The following GANAB variants were observed in gnomAD, a reference collection of about 807,000 sequenced individuals.
The protein encoded by GANAB is glucosidase II alpha subunit, also known as neutral alpha-glucosidase AB.
Under a neutral mutation model 129.9 loss-of-function variants are expected in GANAB, and 35 were observed. The ratio of observed to expected loss-of-function variants is 0.27; its 90% CI spans 0.21 to 0.36. GANAB has a LOEUF of 0.36. Among genes scored for constraint, GANAB ranks in the 10% least tolerant of loss-of-function variants. GANAB has a pLI of 1.00. For missense variants in GANAB, 939 were observed against 1,221.0 expected (o/e 0.77, Z 3.44); for synonymous variants, 482 against 451.8 (o/e 1.07, Z -0.85).
At chr11:62,633,411 C>G (rs754907923) in intron 6 of GANAB, 34 bp downstream of exon 6, 3 of 1,607,850 alleles carry the variant, frequency 1.9e-6, no homozygotes, top group South Asian at 2.2e-5. Context: ...CCCAGCCAGC[C>G]CTATCCTCCA....
In GANAB at chr11:62,632,729, G is replaced by A; in HGVS notation, c.832C>T (p.Arg278Cys). 4 of 1,613,430 alleles carry A rather than the reference G, an allele frequency of 2.5e-6. No homozygotes were observed. Among genetic ancestry groups the A allele is most frequent in the Non-Finnish European group, 3.4e-6 (4 of 1,179,590 alleles). The change falls in exon 9 of 24, where the codon CGC becomes TGC. Residue 278 changes from arginine to cysteine, a missense_variant. By Grantham distance (180) the Arg-to-Cys change is radical. Around this residue, in one of 5 missense-constraint regions of GANAB, gnomAD observed 21 missense variants for 53.7 expected, o/e 0.39. Transcript: ENST00000356638. Reference sequence around the variant, plus strand: ...TGGAACACATCCAAATTGTAGAGGCGATATGGCTCCCCACCCCTGCAGGCA... The same window carrying A: ...TGGAACACATCCAAATTGTAGAGGCAATATGGCTCCCCACCCCTGCAGGCA... The part of the protein sequence containing the change: ...LKVTEGGEPY[R>C]LYNLDVFQYE...
intron 1 of GANAB, among the ~76,000 whole-genome samples, chr11:62,644,027 C>T (rs190318563): frequency 2.0e-5 from 3 of 152,300 alleles, no homozygotes; most frequent in African/African-American, 7.2e-5. Flanking sequence ...TCACCGCAAC[C>T]TCTGCCTCGC....
chr11:62,646,348 G>A (rs1409689303), intron 1 of GANAB, among the ~76,000 whole-genome samples: 4 of 152,362 alleles, frequency 2.6e-5, no homozygotes, highest in African/African-American at 7.2e-5. Flanking sequence ...CTAAACCGCC[G>A]GGCGGGAGCC....
chr11:62,636,847 AAC>A (rs1432244978), intron 4 of GANAB, among the ~76,000 whole-genome samples: 1 of 152,130 alleles, frequency 6.6e-6, no homozygotes, highest in African/African-American at 2.4e-5. Flanking sequence ...GAATCGCTTC[AAC>A]ACAGGAGGCG....
intron 17 of GANAB, among the ~76,000 whole-genome samples, chr11:62,627,770 T>C (rs910708566): frequency 2.6e-5 from 4 of 151,288 alleles, no homozygotes; most frequent in African/African-American, 9.7e-5. Flanking sequence ...AGCACAGGGG[T>C]TAAGACCCAG....
intron 9 of GANAB, among the ~76,000 whole-genome samples, chr11:62,631,622 CCA>C (rs1943686121): frequency 6.6e-6 from 1 of 151,836 alleles, no homozygotes; most frequent in Admixed American, 6.6e-5. Context: ...ACCACCACAC[CCA>C]GCTAACTTTT....
chr11:62,638,926 G>C, intron 4 of GANAB, 57 bp downstream of exon 4: 1 of 1,583,282 alleles, frequency 6.3e-7, no homozygotes, highest in Non-Finnish European at 8.7e-7. Flanking sequence ...CCAAAAAAAG[G>C]TTCATCAGGA....
At position 62,626,154 on chromosome 11, in the gene GANAB, G is replaced by A. The variant is rs550777375; in HGVS notation, c.2636C>T (p.Pro879Leu). Residue 879 changes from proline to leucine, a missense_variant, in exon 23 of 24, where the codon CCT becomes CTT. Physicochemically the swap from Pro to Leu is moderately conservative, Grantham distance 98. Around this residue, in one of 5 missense-constraint regions of GANAB, gnomAD observed 230 missense variants for 259.9 expected, o/e 0.89. Coordinates refer to ENST00000356638, the MANE Select transcript of GANAB (RefSeq NM_198334.3). ...GNTLVSSSAD[P>L]EGHFETPIWI... ...GATTGGTGTCTCAAAGTGTCCTTCAGGGTCTGCTGAGCTGGAGATGGTAAA... is the reference window on the plus strand; with the variant it reads ...GATTGGTGTCTCAAAGTGTCCTTCAAGGTCTGCTGAGCTGGAGATGGTAAA... 3.1e-6 allele frequency: 5 copies of A among 1,612,102 alleles called. No individual in the cohort carries two copies. The highest frequency in any genetic ancestry group is 1.1e-5 in the South Asian group (1 of 91,042).
Position 62,630,269 on chromosome 11 carries a change from A to G in GANAB, c.1521T>C (p.Ala507=), listed in dbSNP as rs770792595. The G allele has an allele frequency of 5.0e-6, 8 of 1,613,526 alleles. No homozygotes were observed. Among genetic ancestry groups the G allele is most frequent in the Non-Finnish European group, 6.8e-6 (8 of 1,179,710 alleles). Residue 507 remains alanine, a synonymous_variant, in exon 13 of 24, where the codon GCT becomes GCC. Coordinates refer to ENST00000356638, the MANE Select transcript of GANAB (RefSeq NM_198334.3). The stretch of plus-strand genomic sequence containing the variant: ...TGGGATTAGTGAAGTCAGGGTAACC[A>G]GCTGAGCCTGGGAGAAGTTAAGGGT... ...DYEGWCWPGS[A]GYPDFTNPTM... is the part of the protein sequence containing the mutation.
In GANAB at chr11:62,626,210, G is replaced by A. The variant is rs376691473; in HGVS notation, c.2625-45C>T. 240 of 1,441,056 alleles carry A rather than the reference G, an allele frequency of 1.7e-4. 1 individual carries two copies. The highest frequency in any genetic ancestry group is 1.4e-4 in the Non-Finnish European group (147 of 1,022,288). 89.3% of individuals were successfully genotyped at this position (1,441,056 alleles called of 1,614,324 possible). A position where few individuals can be genotyped will look rare whatever the true frequency, so the allele number is the denominator to read the frequency against. On this transcript the variant is annotated intron_variant, in intron 22 of 23. Coordinates refer to ENST00000356638, the MANE Select transcript of GANAB (RefSeq NM_198334.3). Reference sequence around the variant, plus strand: ...ATGTCCATCAGGGGGAAAAATAACAGAACAGAAGGAAGGAGGAGACCCAAA... The same window carrying A: ...ATGTCCATCAGGGGGAAAAATAACAAAACAGAAGGAAGGAGGAGACCCAAA...
In GANAB at chr11:62,625,120, C is replaced by T. The variant is rs565872739; in HGVS notation, c.*695G>A. On this transcript the variant is annotated 3_prime_UTR_variant, in exon 24 of 24. Transcript: ENST00000356638. Reference sequence around the variant, plus strand: ...AGAAGGGGGCAAAAGAAGTTTAATGCGCATCCCCTAAGAGGTGTGGAAACG... The same window carrying T: ...AGAAGGGGGCAAAAGAAGTTTAATGTGCATCCCCTAAGAGGTGTGGAAACG... 41 of 421,004 alleles carry T rather than the reference C, an allele frequency of 9.7e-5. No homozygotes were observed. Among genetic ancestry groups the T allele is most frequent in the African/African-American group, 3.9e-4 (19 of 48,698 alleles). The allele number at this position is 421,004 out of a possible 1,614,324, so 26.1% of individuals were successfully genotyped here.
chr11:62,636,309 A>T (rs1344710095), intron 4 of GANAB, among the ~76,000 whole-genome samples: 2 of 152,024 alleles, frequency 1.3e-5, no homozygotes, highest in African/African-American at 4.8e-5. Flanking sequence ...ATTTAAAAGT[A>T]AAAGCTTTAG....
chr11:62,632,265 C>T (rs1001548701), intron 9 of GANAB, among the ~76,000 whole-genome samples: 2 of 152,152 alleles, frequency 1.3e-5, no homozygotes, highest in Non-Finnish European at 2.9e-5. Flanking sequence ...TGAGCCACCA[C>T]ACCCAGCCCA....
chr11:62,646,237 A>G (rs991178292), intron 1 of GANAB, among the ~76,000 whole-genome samples: 2 of 152,118 alleles, frequency 1.3e-5, no homozygotes. Flanking sequence ...GACCCCGCGC[A>G]CTGCAGGAAG....
At chr11:62,630,020 C>A in intron 13 of GANAB, 63 bp from the exon 14 acceptor site, 3 of 1,548,770 alleles carry the variant, frequency 1.9e-6, no homozygotes, top group South Asian at 1.1e-5. Context: ...CAAACAGTGT[C>A]AGAGAAGAGA....
rs913925138 is a variant in GANAB, at chr11:62,634,737, A to C, written c.560+84T>G. On this transcript the variant is annotated intron_variant, in intron 5 of 23. Transcript: ENST00000356638. ...CCAGGCCCTACCTGGCTGTCCCACC[A>C]CCGTCTCCTCCCCGTGCCAGACCTC... 8.7e-6 allele frequency: 10 copies of C among 1,153,502 alleles called. No individual in the cohort carries two copies. The East Asian group carries it at 1.9e-4, about 22-fold the overall frequency. 71.5% of individuals were successfully genotyped at this position (1,153,502 alleles called of 1,614,324 possible).
At position 62,625,736 on chromosome 11, in the gene GANAB, G is replaced by A. The variant is rs976850831; in HGVS notation, c.*79C>T. 2.7e-5 allele frequency: 25 copies of A among 932,116 alleles called. No individual in the cohort carries two copies. Among genetic ancestry groups the A allele is most frequent in the Admixed American group, 2.3e-4 (12 of 52,314 alleles). 57.7% of individuals were successfully genotyped at this position (932,116 alleles called of 1,614,324 possible). ...GCATAAGTGAAGTCTGGGGAGGGCC[G>A]AACTCCAAGGCAGAAGAAAGAATAT... On this transcript the variant is annotated 3_prime_UTR_variant, in exon 24 of 24. Coordinates refer to ENST00000356638, the MANE Select transcript of GANAB (RefSeq NM_198334.3).
In GANAB at chr11:62,639,728, A is replaced by G. The variant is rs1373220171; in HGVS notation, c.42T>C (p.Ser14=). Residue 14 remains serine, a synonymous_variant, in exon 2 of 24, where the codon TCT becomes TCC. Transcript: ENST00000356638. ...AAAAAGCCAGTACCAAAGACGCCCA[A>G]GACCTAAGGAGAAAAGGACAAAGAC... ...VAAVAARRRR[S]WASLVLAFLG... is the part of the protein sequence containing the mutation. 2 of 1,609,326 alleles carry G rather than the reference A, an allele frequency of 1.2e-6. No individual in the cohort carries two copies. Among genetic ancestry groups the G allele is most frequent in the Admixed American group, 1.7e-5 (1 of 60,024 alleles).
intron 17 of GANAB, 73 bp from the exon 18 acceptor site, chr11:62,627,426 T>C (rs1029830367): frequency 3.6e-6 from 3 of 832,248 alleles, no homozygotes; most frequent in Non-Finnish European, 6.3e-6. Context: ...CTCCAGGAAC[T>C]GGCAATAAGA....
Sources: allele counts gnomAD v4.1 joint callset (sites outside exome capture counted in the v4.1 genomes callset), GRCh38; gene constraint gnomAD v4.1.1; regional missense constraint gnomAD v4.1.1; transcripts MANE v1.5; gene names NCBI Gene and HGNC (gene_info 2026-07-23, HGNC 2026-07-21).